Variants in CNTLN observed in about 807,000 individuals in gnomAD.
CNTLN encodes the protein centlein, centrosomal protein.
A neutral mutation model predicts 180.0 loss-of-function variants in CNTLN; 212 were observed. The ratio of observed to expected loss-of-function variants is 1.18; its 90% CI spans 1.05 to 1.32. The LOEUF (loss-of-function observed/expected upper bound fraction) is 1.32, where lower values mean the gene tolerates loss of function less well. Ranked by LOEUF, CNTLN falls within the 40% of genes most tolerant of loss-of-function variation. The pLI, the probability that CNTLN is intolerant of heterozygous loss-of-function variation, is 0.00. For synonymous variants in CNTLN, 722 were observed against 563.1 expected (o/e 1.28, Z -3.99); for missense variants, 2,095 against 1,610.9 (o/e 1.30, Z -5.14).
chr9:17,395,189 C>G, intron 15 of CNTLN, 120 bp downstream of exon 15: 5 of 1,380,022 alleles, frequency 3.6e-6, no homozygotes, highest in Non-Finnish European at 4.8e-6. Flanking sequence ...ACTGTCAGAT[C>G]CTTTGAAATA....
chr9:17,270,169 C>A (rs921512476), intron 5 of CNTLN, among the ~76,000 whole-genome samples: 2 of 151,974 alleles, frequency 1.3e-5, no homozygotes. Context: ...CTAAAATCCC[C>A]AGGACAATTT....
chr9:17,363,288 A>G (rs7030452), intron 12 of CNTLN, among the ~76,000 whole-genome samples: 91,022 of 152,020 alleles, frequency 0.6, 27,504 homozygotes, highest in East Asian at 0.73. Flanking sequence ...GATCCTTGAG[A>G]AATCGCCACA....
intron 12 of CNTLN, among the ~76,000 whole-genome samples, chr9:17,364,597 T>C (rs541457166): frequency 6.6e-5 from 10 of 152,310 alleles, no homozygotes; most frequent in African/African-American, 2.2e-4. Context: ...CTTATCTCTA[T>C]TTTATTGTTT....
rs530135307 is a variant in CNTLN at position 17,354,775 on chromosome 9, C to T, written c.1887-11842C>T. ...GCTGCCCGAGCCAGCGTTGGCAACC[C>T]GCTCCAGTCCCCTTCCACACTGTGG... On this transcript the variant is annotated intron_variant, in intron 12 of 25. Coordinates refer to ENST00000380647, the MANE Select transcript of CNTLN (RefSeq NM_017738.4). 5.9e-5 allele frequency among the ~76,000 whole-genome samples: 9 copies of T among 152,166 alleles called. No homozygotes were observed. The East Asian group carries it at 9.7e-4, about 16-fold the overall frequency.
intron 18 of CNTLN, among the ~76,000 whole-genome samples, chr9:17,436,550 G>C (rs1259375839): frequency 1.3e-5 from 2 of 152,168 alleles, no homozygotes; most frequent in Non-Finnish European, 2.9e-5. Flanking sequence ...TAAACATTGA[G>C]CATGAAAACT....
At chr9:17,373,473 G>A (rs1221804168) in intron 13 of CNTLN, among the ~76,000 whole-genome samples, 1 of 151,832 alleles carries the variant, frequency 6.6e-6, no homozygotes, top group Non-Finnish European at 1.5e-5. Flanking sequence ...AGAAATTGAA[G>A]GAGACACACA....
intron 18 of CNTLN, among the ~76,000 whole-genome samples, chr9:17,432,439 C>G (rs1201985893): frequency 2.0e-5 from 3 of 151,906 alleles, no homozygotes; most frequent in African/African-American, 7.3e-5. Context: ...AGGGAAATGA[C>G]TAGATGATAG....
intron 15 of CNTLN, among the ~76,000 whole-genome samples, chr9:17,402,717 C>G (rs149271623): frequency 0.012 from 1,820 of 151,858 alleles, 83 homozygotes; most frequent in African/African-American, 0.042. Context: ...GCACCATCAG[C>G]TCTCCTGGGT....
At chr9:17,327,473 C>T (rs1446644563) in intron 8 of CNTLN, among the ~76,000 whole-genome samples, 18 of 148,824 alleles carry the variant, frequency 1.2e-4, no homozygotes, top group Non-Finnish European at 2.7e-4. Flanking sequence ...CATGAGCCAC[C>T]GCACCCAGCT....
chr9:17,183,934 T>C (rs1821276431), intron 2 of CNTLN, among the ~76,000 whole-genome samples: 1 of 152,130 alleles, frequency 6.6e-6, no homozygotes, highest in African/African-American at 2.4e-5. Context: ...CTGTGAAAGC[T>C]AGTATCTAAA....
At chr9:17,310,718 C>G (rs150960920) in intron 8 of CNTLN, among the ~76,000 whole-genome samples, 11 of 152,284 alleles carry the variant, frequency 7.2e-5, no homozygotes, top group Non-Finnish European at 1.0e-4. Context: ...TGTTTCCTGT[C>G]CTACTCAACA....
At chr9:17,228,733 T>G (rs1029715293) in intron 3 of CNTLN, among the ~76,000 whole-genome samples, 1 of 152,092 alleles carries the variant, frequency 6.6e-6, no homozygotes, top group Non-Finnish European at 1.5e-5. Context: ...TCCACTGACA[T>G]GGACCTGAAT....
intron 12 of CNTLN, among the ~76,000 whole-genome samples, chr9:17,357,448 T>G (rs1333199937): frequency 1.3e-5 from 2 of 151,506 alleles, no homozygotes; most frequent in Non-Finnish European, 1.5e-5. Context: ...ATCCCTTAGG[T>G]TGTATTCAGA....
At chr9:17,516,682 G>A in the CNTLN span, among the ~76,000 whole-genome samples, 1 of 152,144 alleles carries the variant, frequency 6.6e-6, no homozygotes, top group Admixed American at 6.5e-5. Flanking sequence ...TACTTTCATG[G>A]AGGGTAAGTC....
intron 5 of CNTLN, among the ~76,000 whole-genome samples, chr9:17,265,245 C>T (rs1394365136): frequency 6.6e-6 from 1 of 151,528 alleles, no homozygotes; most frequent in Non-Finnish European, 1.5e-5. Context: ...GAGTTTTTAG[C>T]ATGAAGCATT....
the CNTLN span, among the ~76,000 whole-genome samples, chr9:17,519,781 T>A: frequency 6.6e-6 from 1 of 152,216 alleles, no homozygotes; most frequent in East Asian, 1.9e-4. Flanking sequence ...GCAGAGAGGA[T>A]GAGAAGGTCA....
intron 24 of CNTLN, among the ~76,000 whole-genome samples, chr9:17,486,321 C>T (rs1422937464): frequency 6.6e-6 from 1 of 151,986 alleles, no homozygotes; most frequent in Non-Finnish European, 1.5e-5. Context: ...GTTTCTCACG[C>T]CCTTCCCTTC....
At chr9:17,338,199 G>C (rs13283891) in intron 10 of CNTLN, among the ~76,000 whole-genome samples, 1 of 145,616 alleles carries the variant, frequency 6.9e-6, no homozygotes, top group Admixed American at 6.9e-5. Flanking sequence ...TCTCTCTGTC[G>C]CCCAAGCTGT....
Position 17,273,880 on chromosome 9 carries a change from A to C in CNTLN, c.983+14A>C. 1 of 1,516,154 alleles carries C rather than the reference A, an allele frequency of 6.6e-7. No individual in the cohort carries two copies. Among genetic ancestry groups the C allele is most frequent in the East Asian group, 2.5e-5 (1 of 39,974 alleles). The allele number at this position is 1,516,154 out of a possible 1,614,324, so 93.9% of individuals were successfully genotyped here. A position where few individuals can be genotyped will look rare whatever the true frequency, so the allele number is the denominator to read the frequency against. Reference sequence around the variant, plus strand: ...TACCCTGGTCAGGCAAGTATATTCAATTTTTAATTTAACATCATAGAAATG... The same window carrying C: ...TACCCTGGTCAGGCAAGTATATTCACTTTTTAATTTAACATCATAGAAATG... On this transcript the variant is annotated intron_variant, in intron 6 of 25. Coordinates refer to ENST00000380647, the MANE Select transcript of CNTLN (RefSeq NM_017738.4).
Sources: allele counts gnomAD v4.1 joint callset (sites outside exome capture counted in the v4.1 genomes callset), GRCh38; gene constraint gnomAD v4.1.1; transcripts MANE v1.5; gene names NCBI Gene and HGNC (gene_info 2026-07-23, HGNC 2026-07-21).